Variants in SORL1 observed in about 807,000 individuals in gnomAD.
SORL1 encodes the protein sortilin-related receptor.
Under a neutral mutation model 273.7 loss-of-function variants are expected in SORL1, and 127 were observed. That is an observed-to-expected ratio of 0.46 (90% confidence interval 0.40 to 0.54). SORL1 has a LOEUF of 0.54. Among genes scored for constraint, SORL1 ranks in the 20% least tolerant of loss-of-function variants. The pLI, the probability that SORL1 is intolerant of heterozygous loss-of-function variation, is 0.00. For synonymous variants in SORL1, 1,031 were observed against 1,067.4 expected, an observed-to-expected ratio of 0.97 and a Z score of 0.66; for missense variants, 2,494 against 2,846.1, an observed-to-expected ratio of 0.88 and a Z score of 2.81.
chr11:121,584,991 G>A (rs1249481202), intron 26 of SORL1, among the ~76,000 whole-genome samples: 1 of 152,214 alleles, frequency 6.6e-6, no homozygotes, highest in Non-Finnish European at 1.5e-5. Context: ...CTTAGTTGTA[G>A]TTTAATTTCC....
Position 121,545,336 on chromosome 11 carries a change from G to A in SORL1, c.1958G>A (p.Arg653Gln), listed in dbSNP as rs149584372. Residue 653 changes from arginine to glutamine, a missense_variant, in exon 14 of 48, where the codon CGG (arginine) becomes CAG (glutamine). Physicochemically the swap from Arg to Gln is conservative, Grantham distance 43. Transcript: ENST00000260197. ...CTGGGACACAAGACTGTTTTCAAACGGCGGACCCCCCATGCCACATGCTTC... is the reference window on the plus strand; with the variant it reads ...CTGGGACACAAGACTGTTTTCAAACAGCGGACCCCCCATGCCACATGCTTC... Reference protein sequence around the residue: ...CLLGHKTVFKRRTPHATCFNG... With the variant: ...CLLGHKTVFKQRTPHATCFNG... The A allele has an allele frequency of 7.4e-6, 12 of 1,614,044 alleles. No homozygotes were observed. In the African/African-American group the frequency reaches 8.0e-5, roughly 11 times the overall value.
At chr11:121,532,605 C>T (rs942278611) in intron 12 of SORL1, 53 bp downstream of exon 12, 25 of 1,422,474 alleles carry the variant, frequency 1.8e-5, no homozygotes, top group African/African-American at 1.3e-4. Context: ...CAGAAATTTA[C>T]GTCTGTGATT....
intron 13 of SORL1, among the ~76,000 whole-genome samples, chr11:121,544,725 A>G (rs1370122122): frequency 6.6e-6 from 1 of 152,230 alleles, no homozygotes; most frequent in Non-Finnish European, 1.5e-5. Context: ...TGAACGTGGC[A>G]GATGGAGTGA....
intron 43 of SORL1, 131 bp from the exon 44 acceptor site, chr11:121,620,933 G>T (rs753350475): frequency 1.0e-4 from 66 of 646,368 alleles, no homozygotes; most frequent in Non-Finnish European, 1.7e-4. Flanking sequence ...AATGGAGTCA[G>T]ATTTCGGGAC....
intron 6 of SORL1, among the ~76,000 whole-genome samples, chr11:121,505,246 T>C (rs1163903135): frequency 6.6e-6 from 1 of 152,076 alleles, no homozygotes; most frequent in Non-Finnish European, 1.5e-5. Flanking sequence ...TTATTCATAG[T>C]GTTCACACTA....
intron 40 of SORL1, 87 bp downstream of exon 40, chr11:121,612,919 C>T: frequency 3.2e-6 from 3 of 923,378 alleles, no homozygotes; most frequent in South Asian, 1.4e-5. Flanking sequence ...ACTGGGGGTG[C>T]CAGGGAAGGG....
chr11:121,534,538 A>G (rs1862243057), intron 12 of SORL1, among the ~76,000 whole-genome samples: 2 of 152,226 alleles, frequency 1.3e-5, no homozygotes, highest in South Asian at 4.1e-4. Context: ...AATAGTTCAA[A>G]TAAAGCATTT....
At chr11:121,615,488 T>C (rs1418557721) in intron 41 of SORL1, among the ~76,000 whole-genome samples, 2 of 152,210 alleles carry the variant, frequency 1.3e-5, no homozygotes, top group African/African-American at 4.8e-5. Flanking sequence ...AGCATGATAT[T>C]TCATTGAATA....
intron 1 of SORL1, among the ~76,000 whole-genome samples, chr11:121,461,710 AAGG>A (rs1348290233): frequency 6.6e-6 from 1 of 152,188 alleles, no homozygotes; most frequent in African/African-American, 2.4e-5. Flanking sequence ...GCTGGGAATC[AAGG>A]AGAAAACTGC....
In SORL1 at chr11:121,507,388, T is replaced by C. The variant is rs142841691; in HGVS notation, c.940-5615T>C. 3.8e-3 allele frequency among the ~76,000 whole-genome samples: 580 copies of C among 152,310 alleles called. 6 individuals are homozygous for C. Among genetic ancestry groups the C allele is most frequent in the Non-Finnish European group, 3.8e-3 (258 of 68,026 alleles). ...CTCCTTTATTCTCTCATCTCGTCAGTGACTTTGGTAATGTGTATGTCAGGA... is the reference window on the plus strand; with the variant it reads ...CTCCTTTATTCTCTCATCTCGTCAGCGACTTTGGTAATGTGTATGTCAGGA... On this transcript the variant is annotated intron_variant, in intron 6 of 47. Transcript: ENST00000260197.
chr11:121,558,129 C>T (rs1862618526), intron 19 of SORL1, among the ~76,000 whole-genome samples: 2 of 152,162 alleles, frequency 1.3e-5, no homozygotes, highest in Non-Finnish European at 2.9e-5. Context: ...TACTTATGTA[C>T]AAGTATTATC....
At chr11:121,454,025 G>A (rs1463834885) in intron 1 of SORL1, among the ~76,000 whole-genome samples, 2 of 152,258 alleles carry the variant, frequency 1.3e-5, no homozygotes, top group East Asian at 3.8e-4. Context: ...TGTAACTAAT[G>A]GTGGCCACAG....
Position 121,607,165 on chromosome 11 carries a change from T to C in SORL1, c.5062-21T>C, listed in dbSNP as rs578232522. On this transcript the variant is annotated intron_variant, in intron 36 of 47. Coordinates refer to ENST00000260197, the MANE Select transcript of SORL1 (RefSeq NM_003105.6). Reference sequence around the variant, plus strand: ...GGACCTTTGGTTCCCTTTACTCACATTTTTTTTCTTCTCCCTTTAGGTAGA... The same window carrying C: ...GGACCTTTGGTTCCCTTTACTCACACTTTTTTTCTTCTCCCTTTAGGTAGA... 1.1e-5 allele frequency: 16 copies of C among 1,448,218 alleles called. No individual in the cohort carries two copies. In the East Asian group the frequency reaches 1.4e-4, roughly 12 times the overall value. The allele number at this position is 1,448,218 out of a possible 1,614,324, so 89.7% of individuals were successfully genotyped here. A position where few individuals can be genotyped will look rare whatever the true frequency, so the allele number is the denominator to read the frequency against.
At chr11:121,608,237 T>C in intron 38 of SORL1, 61 bp downstream of exon 38, 1 of 1,366,516 alleles carries the variant, frequency 7.3e-7, no homozygotes, top group Non-Finnish European at 1.0e-6. Context: ...TTCAAATGAC[T>C]TTCAGTATGA....
At chr11:121,621,332 G>T in intron 44 of SORL1, 94 bp downstream of exon 44, 1 of 1,148,110 alleles carries the variant, frequency 8.7e-7, no homozygotes, top group Non-Finnish European at 1.2e-6. Context: ...TTAGGCGTTT[G>T]TTTCACAGGG....
intron 4 of SORL1, among the ~76,000 whole-genome samples, chr11:121,489,410 C>T (rs1265034360): frequency 1.3e-5 from 2 of 152,190 alleles, no homozygotes; most frequent in African/African-American, 4.8e-5. Flanking sequence ...CCCTGGCAAC[C>T]ACCATTCTAC....
intron 30 of SORL1, 123 bp from the exon 31 acceptor site, chr11:121,590,878 T>A (rs756565411): frequency 3.9e-6 from 4 of 1,020,954 alleles, no homozygotes; most frequent in African/African-American, 3.1e-5. Context: ...GCTGTGCCAG[T>A]CACTGGCCTC....
At chr11:121,556,956 C>T (rs1438336549) in intron 18 of SORL1, 1 of 231,892 alleles carries the variant, frequency 4.3e-6, no homozygotes, top group Non-Finnish European at 8.6e-6. Context: ...CATCGATTGC[C>T]TTGGAACGTG....
intron 29 of SORL1, 127 bp downstream of exon 29, chr11:121,589,517 GC>G: frequency 8.6e-7 from 1 of 1,165,320 alleles, no homozygotes; most frequent in Non-Finnish European, 1.3e-6. Context: ...AGCAGTTGCT[GC>G]CAGTTCCTGA....
Sources: allele counts gnomAD v4.1 joint callset (sites outside exome capture counted in the v4.1 genomes callset), GRCh38; gene constraint gnomAD v4.1.1; transcripts MANE v1.5; gene names NCBI Gene and HGNC (gene_info 2026-07-23, HGNC 2026-07-21).